The following TRIM16 variants were observed in gnomAD, a reference collection of about 807,000 sequenced individuals.
TRIM16 encodes tripartite motif-containing protein 16.
TRIM16 carries 33 observed loss-of-function variants against 50.4 expected under a neutral mutation model. That is an observed-to-expected ratio of 0.65 (90% CI 0.50 to 0.88). The LOEUF (loss-of-function observed/expected upper bound fraction) is 0.88, where lower values mean the gene tolerates loss of function less well. Ranked by LOEUF, TRIM16 falls within the 40% of genes least tolerant of loss-of-function variation. TRIM16 has a pLI of 0.00. For missense variants in TRIM16, 581 were observed against 686.8 expected, an observed-to-expected ratio of 0.85 and a Z score of 1.72; for synonymous variants, 229 against 270.7, an observed-to-expected ratio of 0.85 and a Z score of 1.51.
chr17:15,632,391 A>G lies in TRIM16; in HGVS notation c.1015+118T>C, dbSNP rs1986473818. ...GACTGTCTCACAGAAAAAGAAAAAAAAAAGAAAATGAAACATTCCCCTGAT... is the reference window on the plus strand; with the variant it reads ...GACTGTCTCACAGAAAAAGAAAAAAGAAAGAAAATGAAACATTCCCCTGAT... On this transcript the variant is annotated intron_variant, in intron 10 of 11. Transcript: ENST00000649191. 8 of 1,437,784 alleles carry G rather than the reference A, an allele frequency of 5.6e-6. No individual in the cohort carries two copies. The South Asian group carries it at 1.2e-4, about 21-fold the overall frequency. 89.1% of individuals were successfully genotyped at this position (1,437,784 alleles called of 1,614,324 possible). A position where few individuals can be genotyped will look rare whatever the true frequency, so the allele number is the denominator to read the frequency against.
At chr17:15,680,481 G>C (rs1473126719) in intron 4 of TRIM16, among the ~76,000 whole-genome samples, 3 of 152,024 alleles carry the variant, frequency 2.0e-5, no homozygotes. Flanking sequence ...AATGTCTCAA[G>C]TGAACAAAAA....
chr17:15,683,861 A>T (rs1248757179), intron 1 of TRIM16: 1 of 152,254 alleles, frequency 6.6e-6, no homozygotes, highest in African/African-American at 2.4e-5. Flanking sequence ...GGCTGCAGAG[A>T]CATAAGGGAC....
At chr17:15,639,315 G>A (rs1987010729) in intron 8 of TRIM16, among the ~76,000 whole-genome samples, 1 of 147,364 alleles carries the variant, frequency 6.8e-6, no homozygotes, top group Non-Finnish European at 1.5e-5. Flanking sequence ...CAAAGTGCTG[G>A]GATTACAGGT....
Position 15,628,741 on chromosome 17 carries a change from G to A in TRIM16, c.1569C>T (p.Ala523=). The A allele has an allele frequency of 6.2e-7, 1 of 1,614,188 alleles. No homozygotes were observed. Among genetic ancestry groups the A allele is most frequent in the Non-Finnish European group, 8.5e-7 (1 of 1,180,028 alleles). The change falls in exon 12 of 12, where the codon GCC becomes GCT. Residue 523 remains alanine, a synonymous_variant. Transcript: ENST00000649191. ...YDTMTLVHKF[A]CKFSEPVYAA... ...CATAGACTGGTTCTGAAAATTTGCA[G>A]GCAAACTTGTGAACCAGAGTCATGG...
In TRIM16 at chr17:15,682,892, T is replaced by G. The variant is rs1286033179; in HGVS notation, c.-717A>C. 93 of 1,479,194 alleles carry G rather than the reference T, an allele frequency of 6.3e-5. No individual in the cohort carries two copies. Among genetic ancestry groups the G allele is most frequent in the Non-Finnish European group, 7.3e-5 (81 of 1,117,068 alleles). The allele number at this position is 1,479,194 out of a possible 1,614,324, so 91.6% of individuals were successfully genotyped here. ...CTTTCCATAAATCAGTATTCACAGATGAGGAAACTGTTAACTTGCCCAAGT... is the reference window on the plus strand; with the variant it reads ...CTTTCCATAAATCAGTATTCACAGAGGAGGAAACTGTTAACTTGCCCAAGT... On this transcript the variant is annotated 5_prime_UTR_variant, in exon 3 of 12. Coordinates refer to ENST00000649191, the MANE Select transcript of TRIM16 (RefSeq NM_001348119.1).
At chr17:15,658,957 C>T in intron 6 of TRIM16, 1 of 780,514 alleles carries the variant, frequency 1.3e-6, no homozygotes, top group Middle Eastern at 6.5e-4. Context: ...GTGAGACAAA[C>T]AGCAGATTAC....
At chr17:15,673,146 C>A (rs1424700550) in intron 6 of TRIM16, among the ~76,000 whole-genome samples, 11 of 152,198 alleles carry the variant, frequency 7.2e-5, no homozygotes, top group Non-Finnish European at 1.3e-4. Flanking sequence ...TTGGAAATGA[C>A]CTTGTTACCA....
intron 6 of TRIM16, among the ~76,000 whole-genome samples, chr17:15,653,978 A>G (rs1278099704): frequency 6.6e-6 from 1 of 152,184 alleles, no homozygotes; most frequent in East Asian, 1.9e-4. Context: ...TGAATTTGGA[A>G]GGCGAATGGA....
intron 7 of TRIM16, among the ~76,000 whole-genome samples, chr17:15,650,280 G>A (rs1368802031): frequency 1.3e-5 from 2 of 152,146 alleles, no homozygotes; most frequent in Non-Finnish European, 2.9e-5. Flanking sequence ...TACACTTCCC[G>A]ACTGAAAACT....
At chr17:15,649,356 G>T (rs555988922) in intron 7 of TRIM16, among the ~76,000 whole-genome samples, 1 of 151,960 alleles carries the variant, frequency 6.6e-6, no homozygotes, top group African/African-American at 2.4e-5. Context: ...GCACGATCTC[G>T]GCTCACTGCA....
At chr17:15,629,802 G>A (rs1198569684) in intron 11 of TRIM16, among the ~76,000 whole-genome samples, 1 of 152,134 alleles carries the variant, frequency 6.6e-6, no homozygotes, top group Non-Finnish European at 1.5e-5. Context: ...TACACACACA[G>A]GAAGCAGTAA....
intron 6 of TRIM16, among the ~76,000 whole-genome samples, chr17:15,654,715 G>T (rs941710105): frequency 3.3e-5 from 5 of 152,150 alleles, no homozygotes; most frequent in African/African-American, 1.2e-4. Flanking sequence ...TGTCTTAATT[G>T]AATAACTGTC....
Position 15,639,689 on chromosome 17 carries a change from GA to G in TRIM16, c.615+3031del, listed in dbSNP as rs1189969394. 1.3e-5 allele frequency among the ~76,000 whole-genome samples: 2 copies of G among 149,828 alleles called. 1 individual carries two copies. Among genetic ancestry groups the G allele is most frequent in the African/African-American group, 4.9e-5 (2 of 40,542 alleles). On this transcript the variant is annotated intron_variant, in intron 8 of 11. Coordinates refer to ENST00000649191, the MANE Select transcript of TRIM16 (RefSeq NM_001348119.1). ...GCTGCTCAGAAAGACTGCAGGTGGGGACAATAGTAGAGAAGGAGGCAGGCAG... is the reference window on the plus strand; with the variant it reads ...GCTGCTCAGAAAGACTGCAGGTGGGGCAATAGTAGAGAAGGAGGCAGGCAG...
chr17:15,680,434 C>A (rs1033499629), intron 4 of TRIM16, among the ~76,000 whole-genome samples: 1 of 151,590 alleles, frequency 6.6e-6, no homozygotes, highest in African/African-American at 2.4e-5. Flanking sequence ...CAGATGCAAG[C>A]AAGAAATGCC....
At chr17:15,645,559 CAAAAAG>C (rs1254990158) in intron 7 of TRIM16, among the ~76,000 whole-genome samples, 2 of 147,910 alleles carry the variant, frequency 1.4e-5, no homozygotes, top group Non-Finnish European at 3.0e-5. Flanking sequence ...GGGCAATATA[CAAAAAG>C]AAAAAGAAAA....
chr17:15,677,303 T>C (rs1449121915), intron 5 of TRIM16, 23 bp from the exon 6 acceptor site: 17 of 984,658 alleles, frequency 1.7e-5, no homozygotes, highest in African/African-American at 3.5e-5. Flanking sequence ...AAACAGAATG[T>C]AATTTTAAGT....
intron 6 of TRIM16, chr17:15,652,150 C>CTTT (rs200450452): frequency 2.1e-4 from 31 of 149,402 alleles, no homozygotes; most frequent in African/African-American, 4.8e-4. Flanking sequence ...CTTTTCTTTT[C>CTTT]TTTTTTTTTT....
intron 6 of TRIM16, among the ~76,000 whole-genome samples, chr17:15,674,640 G>A (rs1283336317): frequency 2.0e-5 from 3 of 151,734 alleles, no homozygotes; most frequent in African/African-American, 7.3e-5. Flanking sequence ...ATGCTCTCCA[G>A]CCCCATTCCC....
rs138419575 is a variant in TRIM16 at position 15,657,617 on chromosome 17, T to C, written c.-337-5671A>G. Among the ~76,000 whole-genome samples the C allele has an allele frequency of 3.2e-3, 489 of 152,352 alleles. 1 individual carries two copies. Among genetic ancestry groups the C allele is most frequent in the African/African-American group, 0.011 (464 of 41,578 alleles). On this transcript the variant is annotated intron_variant, in intron 6 of 11. Transcript: ENST00000649191. ...AATTGTGACTACTCTAGGCACTTCA[T>C]AGGAGTGAAATCATACAGTGTTTGT...
Sources: gnomAD v4.1 joint callset for allele counts (sites outside exome capture counted in the v4.1 genomes callset) on GRCh38, gnomAD v4.1.1 for gene constraint, MANE v1.5 for transcripts, NCBI Gene and HGNC (gene_info 2026-07-23, HGNC 2026-07-21) for gene names.